TMTC4: variants seen among roughly 807,000 people sequenced by gnomAD.
TMTC4 encodes the protein transmembrane O-mannosyltransferase targeting cadherins 4, also known as protein O-mannosyl-transferase TMTC4.
TMTC4 carries 65 observed loss-of-function variants against 86.0 expected under a neutral mutation model. The ratio of observed to expected loss-of-function variants is 0.76; its 90% confidence interval spans 0.62 to 0.93. The LOEUF (loss-of-function observed/expected upper bound fraction) is 0.93, where lower values mean the gene tolerates loss of function less well. Ranked by LOEUF, TMTC4 falls within the 40% of genes least tolerant of loss-of-function variation. TMTC4 has a pLI of 0.00. For missense variants in TMTC4, 866 were observed against 948.1 expected (o/e 0.91, Z 1.14); for synonymous variants, 379 against 382.5 (o/e 0.99, Z 0.11).
chr13:100,652,420 A>G (rs1884576029), intron 6 of TMTC4, among the ~76,000 whole-genome samples: 1 of 152,216 alleles, frequency 6.6e-6, no homozygotes, highest in African/African-American at 2.4e-5. Context: ...CAGAGGTTGC[A>G]GTGAGCTGAG....
intron 16 of TMTC4, among the ~76,000 whole-genome samples, chr13:100,613,314 TGA>T (rs991016138): frequency 2.8e-4 from 42 of 152,230 alleles, no homozygotes; most frequent in African/African-American, 8.7e-4. Context: ...CCCCCATGAG[TGA>T]GAGCATGTGA....
chr13:100,672,677 A>C (rs527418263), intron 1 of TMTC4, among the ~76,000 whole-genome samples: 3 of 152,100 alleles, frequency 2.0e-5, no homozygotes, highest in Non-Finnish European at 4.4e-5. Context: ...TTTTTTGTAG[A>C]GACAGGGTCT....
chr13:100,609,974 G>A lies in TMTC4; in HGVS notation c.2064+2424C>T, dbSNP rs150714892. Among the ~76,000 whole-genome samples the A allele has an allele frequency of 6.5e-3, 983 of 152,252 alleles. 7 individuals carry two copies. The highest frequency in any genetic ancestry group is 0.01 in the Non-Finnish European group (686 of 68,020). On this transcript the variant is annotated intron_variant, in intron 17 of 18. Coordinates refer to ENST00000342624, the MANE Select transcript of TMTC4 (RefSeq NM_032813.5). ...CAAAATAGGTTCTGGAAGCCTGAAC[G>A]TTTCAGGGCCAAATGAGAGATGCAT...
At chr13:100,638,160 T>TA (rs1037635735) in intron 7 of TMTC4, 138 bp from the exon 8 acceptor site, 2 of 600,838 alleles carry the variant, frequency 3.3e-6, no homozygotes, top group East Asian at 2.8e-5. Context: ...TGCAGCTCTT[T>TA]AAAAAAACAC....
chr13:100,634,016 T>C (rs1245329405), intron 12 of TMTC4, among the ~76,000 whole-genome samples: 1 of 151,936 alleles, frequency 6.6e-6, no homozygotes, highest in Non-Finnish European at 1.5e-5. Context: ...AGCAAGCGCC[T>C]GTAATCTAGC....
At chr13:100,616,253 G>C (rs1878472860) in intron 15 of TMTC4, among the ~76,000 whole-genome samples, 1 of 151,998 alleles carries the variant, frequency 6.6e-6, no homozygotes, top group African/African-American at 2.4e-5. Flanking sequence ...ACCCAGGCTG[G>C]AGTGCAGTAG....
chr13:100,663,077 C>G lies in TMTC4; in HGVS notation c.439G>C (p.Val147Leu). Residue 147 changes from valine (V) to leucine (L), a missense_variant, in exon 5 of 19, where the codon GTT (valine) becomes CTT (leucine). Coordinates refer to ENST00000342624, the MANE Select transcript of TMTC4 (RefSeq NM_032813.5). ...ISVLMVDVFS[V>L]LFGGLQYTSK... ...GTGTACTGCAGGCCGCCAAACAGAA[C>G]CGAGAAGACGTCCACCATGAGGACA... is the stretch of plus-strand genomic sequence containing the variant. The G allele has an allele frequency of 6.2e-7, 1 of 1,614,214 alleles. No homozygotes were observed. The highest frequency in any genetic ancestry group is 8.5e-7 in the Non-Finnish European group (1 of 1,180,036).
At chr13:100,612,327 G>A in intron 17 of TMTC4, 71 bp downstream of exon 17, 1 of 1,207,722 alleles carries the variant, frequency 8.3e-7, no homozygotes, top group Non-Finnish European at 1.2e-6. Flanking sequence ...TAACTGGGCA[G>A]AAGTAACACT....
intron 7 of TMTC4, among the ~76,000 whole-genome samples, chr13:100,640,223 C>T (rs534962191): frequency 6.6e-6 from 1 of 152,060 alleles, no homozygotes; most frequent in Non-Finnish European, 1.5e-5. Flanking sequence ...TAGGTTGTCA[C>T]AATTGAGAGG....
chr13:100,615,972 G>A (rs1878420569), intron 15 of TMTC4, among the ~76,000 whole-genome samples: 1 of 152,078 alleles, frequency 6.6e-6, no homozygotes, highest in Non-Finnish European at 1.5e-5. Context: ...GCTCACTTAT[G>A]AGAACATGTG....
intron 1 of TMTC4, among the ~76,000 whole-genome samples, chr13:100,671,809 C>T (rs1887136147): frequency 6.8e-6 from 1 of 147,284 alleles, no homozygotes; most frequent in Non-Finnish European, 1.5e-5. Context: ...ATGCTCTTTT[C>T]TTTGAAGGGA....
intron 12 of TMTC4, among the ~76,000 whole-genome samples, chr13:100,629,064 G>C (rs1369527708): frequency 2.6e-5 from 4 of 152,100 alleles, no homozygotes; most frequent in African/African-American, 9.7e-5. Flanking sequence ...CAGGAGAATC[G>C]CTTGAACCCA....
intron 16 of TMTC4, among the ~76,000 whole-genome samples, chr13:100,613,741 T>A (rs928927424): frequency 6.6e-6 from 1 of 151,902 alleles, no homozygotes; most frequent in Non-Finnish European, 1.5e-5. Flanking sequence ...CCAGTATGTC[T>A]AAAGAAATTC....
chr13:100,645,696 G>A (rs1310468068), intron 6 of TMTC4, among the ~76,000 whole-genome samples: 1 of 152,226 alleles, frequency 6.6e-6, no homozygotes. Flanking sequence ...AGGCCCAGCT[G>A]TAGTGCTCTA....
At chr13:100,611,637 T>C (rs1877602526) in intron 17 of TMTC4, among the ~76,000 whole-genome samples, 1 of 152,196 alleles carries the variant, frequency 6.6e-6, no homozygotes, top group African/African-American at 2.4e-5. Flanking sequence ...TTCCCTGACC[T>C]GACCTAACCC....
intron 3 of TMTC4, chr13:100,665,917 A>G (rs1480238946): frequency 4.7e-6 from 2 of 429,298 alleles, no homozygotes; most frequent in Admixed American, 2.6e-5. Context: ...TGTGAAGGTC[A>G]TGTGAGGCAC....
rs1401626751 is a variant in TMTC4, at chr13:100,603,944, G to A, written c.*1050C>T. The A allele has an allele frequency of 6.6e-6, 1 of 152,612 alleles. No individual in the cohort carries two copies. The highest frequency in any genetic ancestry group is 2.4e-5 in the African/African-American group (1 of 41,444). The allele number at this position is 152,612 out of a possible 1,614,324, so 9.5% of individuals were successfully genotyped here. On this transcript the variant is annotated 3_prime_UTR_variant, in exon 19 of 19. Transcript: ENST00000342624. ...ATATGACATTTTCATGCTAGTTTGT[G>A]TAGTAATTTTACTGCATAAGAAATT...
chr13:100,658,166 A>AATAT (rs1020470029), intron 5 of TMTC4, among the ~76,000 whole-genome samples: 2 of 152,188 alleles, frequency 1.3e-5, no homozygotes, highest in Non-Finnish European at 2.9e-5. Flanking sequence ...GACACAGTAA[A>AATAT]ATAGTCAGAG....
In TMTC4 at chr13:100,604,041, TAAA is replaced by T. The variant is rs928446820; in HGVS notation, c.*950_*952del. On this transcript the variant is annotated 3_prime_UTR_variant, in exon 19 of 19. Transcript: ENST00000342624. ...AAAACAAAACATTGTTTGGATCAAA[TAAA>T]AAACAGCAGGAACAACTCAATTCTT... 4.6e-5 allele frequency: 7 copies of T among 152,566 alleles called. No homozygotes were observed. The highest frequency in any genetic ancestry group is 2.6e-4 in the Admixed American group (4 of 15,270). 9.5% of individuals were successfully genotyped at this position (152,566 alleles called of 1,614,324 possible).
Sources: gnomAD v4.1 joint callset for allele counts (sites outside exome capture counted in the v4.1 genomes callset) on GRCh38, gnomAD v4.1.1 for gene constraint, MANE v1.5 for transcripts, NCBI Gene and HGNC (gene_info 2026-07-23, HGNC 2026-07-21) for gene names.